The following FRMPD4 variants were observed in gnomAD, a reference collection of about 807,000 sequenced individuals.
FRMPD4 encodes the protein FERM and PDZ domain-containing protein 4.
FRMPD4 carries 22 observed loss-of-function variants against 94.1 expected under a neutral mutation model. The ratio of observed to expected loss-of-function variants is 0.23; its 90% confidence interval spans 0.17 to 0.33. The LOEUF is 0.33. Ranked by LOEUF, FRMPD4 falls within the 10% of genes least tolerant of loss-of-function variation. The pLI is 1.00. For synonymous variants in FRMPD4, 631 were observed against 548.6 expected, an observed-to-expected ratio of 1.15 and a Z score of -2.10; for missense variants, 1,111 against 1,339.9, an observed-to-expected ratio of 0.83 and a Z score of 2.67.
chrX:12,126,466 G>A (rs2055501192), intron 3 of FRMPD4, among the ~76,000 whole-genome samples: 1 of 111,577 alleles, frequency 9.0e-6, no homozygotes, highest in South Asian at 3.8e-4. Context: ...TACAAAGCCA[G>A]GCATACAGCT....
chrX:12,495,096 C>T lies in FRMPD4; in HGVS notation c.42-3584C>T, dbSNP rs750594379. 1,571 of 454,368 alleles carry T rather than the reference C, an allele frequency of 3.5e-3. 3 individuals carry two copies. The highest frequency in any genetic ancestry group is 4.1e-3 in the Non-Finnish European group (1,519 of 366,827). 37.4% of individuals were successfully genotyped at this position (454,368 alleles called of 1,213,427 possible). A position where few individuals can be genotyped will look rare whatever the true frequency, so the allele number is the denominator to read the frequency against. On this transcript the variant is annotated intron_variant, in intron 1 of 16. Coordinates refer to ENST00000675598, the MANE Select transcript of FRMPD4 (RefSeq NM_001368397.1). ...TAAAAAACTTTCTGATGTTTCCTTC[C>T]GCCTTGAGAATGGCTGAACTCATCA...
At position 12,716,367 on chromosome X, in the gene FRMPD4, A is replaced by G. The variant is rs754635721; in HGVS notation, c.1908A>G (p.Pro636=). 26 of 1,210,154 alleles carry G rather than the reference A, an allele frequency of 2.1e-5. No individual in the cohort carries two copies. The highest frequency in any genetic ancestry group is 2.8e-5 in the Non-Finnish European group (25 of 895,151). ...AQRSLLTLSG[P]ETLKKAQESP... ...GGTCCCTATTGACCCTCTCAGGACC[A>G]GAAACTCTGAAGAAAGCACAGGAAT... The change falls in exon 15 of 17, where the codon CCA becomes CCG. Residue 636 remains proline (P), a synonymous_variant. Transcript: ENST00000675598.
chrX:12,634,830 T>C (rs1318564369), intron 4 of FRMPD4, among the ~76,000 whole-genome samples: 1 of 81,444 alleles, frequency 1.2e-5, no homozygotes, highest in Admixed American at 1.3e-4. Context: ...CTCTCTTTTT[T>C]TTTTTTTTTT....
At chrX:12,452,133 G>A (rs945606267) in intron 1 of FRMPD4, among the ~76,000 whole-genome samples, 7 of 110,978 alleles carry the variant, frequency 6.3e-5, no homozygotes, top group African/African-American at 2.3e-4. Context: ...AACAAGGGCT[G>A]CTGTATCTGA....
At chrX:12,055,639 A>G (rs2054849771) in intron 3 of FRMPD4, among the ~76,000 whole-genome samples, 1 of 111,862 alleles carries the variant, frequency 8.9e-6, no homozygotes, top group Admixed American at 9.5e-5. Context: ...TAACAATGCA[A>G]GAACAGCCTA....
At chrX:12,347,708 A>G (rs1368366719) in intron 1 of FRMPD4, among the ~76,000 whole-genome samples, 2 of 111,661 alleles carry the variant, frequency 1.8e-5, no homozygotes, top group Non-Finnish European at 3.8e-5. Flanking sequence ...GTGTCACAAT[A>G]TTGAATTTTG....
At chrX:11,913,768 C>G (rs948302649) in intron 3 of FRMPD4, among the ~76,000 whole-genome samples, 1 of 111,833 alleles carries the variant, frequency 8.9e-6, no homozygotes, top group African/African-American at 3.2e-5. Flanking sequence ...TTCAGTACTT[C>G]TTGTAGAATA....
chrX:12,264,312 C>T (rs1407368571), intron 1 of FRMPD4, among the ~76,000 whole-genome samples: 1 of 111,361 alleles, frequency 9.0e-6, no homozygotes, highest in African/African-American at 3.3e-5. Flanking sequence ...GGAAGGAGAA[C>T]AGGAATTGAC....
chrX:12,096,221 G>A (rs1222106876), intron 3 of FRMPD4, among the ~76,000 whole-genome samples: 2 of 111,720 alleles, frequency 1.8e-5, no homozygotes, highest in African/African-American at 3.3e-5. Context: ...ACTGCTGCCC[G>A]TGACCATAAT....
At chrX:12,369,205 TTTA>T (rs1224072425) in intron 1 of FRMPD4, among the ~76,000 whole-genome samples, 2 of 110,638 alleles carry the variant, frequency 1.8e-5, no homozygotes, top group East Asian at 5.6e-4. Context: ...ATCTTAAACT[TTTA>T]TTTTAATTTT....
chrX:12,331,846 CTATATATAAATTATATATATTTAT>C (rs2055405300), intron 1 of FRMPD4, among the ~76,000 whole-genome samples: 1 of 40,328 alleles, frequency 2.5e-5, no homozygotes, highest in East Asian at 1.2e-3. Context: ...TATTTATATA[CTATATATAAATTATATATATTTAT>C]ATACTATATA....
chrX:12,424,909 A>G (rs940683359), intron 1 of FRMPD4, among the ~76,000 whole-genome samples: 2 of 112,758 alleles, frequency 1.8e-5, no homozygotes, highest in Non-Finnish European at 3.8e-5. Flanking sequence ...TACTTCTATA[A>G]TGCGTTTGCT....
At position 12,704,466 on chromosome X, in the gene FRMPD4, T is replaced by C; in HGVS notation, c.1178T>C (p.Leu393Ser). The change falls in exon 11 of 17, where the codon TTG becomes TCG. Residue 393 changes from leucine (L) to serine (S), a missense_variant. Physicochemically the swap from Leu to Ser is moderately radical, Grantham distance 145. Transcript: ENST00000675598. ...CACCTTGTCAAAGCAAATCAAAACT[T>C]GGTACCACCGGGTAAAAAGGTATCA... is the stretch of plus-strand genomic sequence containing the variant. Reference protein sequence around the residue: ...LSHLVKANQNLVPPGKKLSAL... With the variant: ...LSHLVKANQNSVPPGKKLSAL... 1 of 1,182,992 alleles carries C rather than the reference T, an allele frequency of 8.5e-7. No homozygotes were observed.
intron 3 of FRMPD4, among the ~76,000 whole-genome samples, chrX:12,037,931 GTTTCAGCCAGT>G (rs780129268): frequency 1.3e-4 from 15 of 111,866 alleles, no homozygotes; most frequent in Admixed American, 4.7e-4. Context: ...TCTATGATGA[GTTTCAGCCAGT>G]TTTTGTGTGT....
intron 3 of FRMPD4, among the ~76,000 whole-genome samples, chrX:11,900,902 C>T: frequency 9.0e-6 from 1 of 111,183 alleles, no homozygotes; most frequent in Non-Finnish European, 1.9e-5. Flanking sequence ...ATTCTGTTGA[C>T]CCCCATCGCA....
intron 1 of FRMPD4, among the ~76,000 whole-genome samples, chrX:12,371,325 G>A (rs755233685): frequency 8.9e-6 from 1 of 112,727 alleles, no homozygotes; most frequent in Non-Finnish European, 1.9e-5. Context: ...AGCCCAGCCA[G>A]TTTATCTGGT....
intron 2 of FRMPD4, among the ~76,000 whole-genome samples, chrX:12,602,084 T>C (rs2059089450): frequency 8.9e-6 from 1 of 111,856 alleles, no homozygotes. Flanking sequence ...CGAAAAAATA[T>C]ATATTTTCAA....
At chrX:12,091,508 AT>A (rs2055153406) in intron 3 of FRMPD4, among the ~76,000 whole-genome samples, 2 of 112,467 alleles carry the variant, frequency 1.8e-5, no homozygotes, top group Admixed American at 1.9e-4. Context: ...CCTATTGGCC[AT>A]GGTTTTCCTA....
intron 3 of FRMPD4, among the ~76,000 whole-genome samples, chrX:11,922,579 A>C (rs1046813794): frequency 8.9e-6 from 1 of 112,064 alleles, no homozygotes; most frequent in Non-Finnish European, 1.9e-5. Flanking sequence ...GAACCACAAA[A>C]GCTCCAGGGG....
Sources: gnomAD v4.1 joint callset for allele counts (sites outside exome capture counted in the v4.1 genomes callset) on GRCh38, gnomAD v4.1.1 for gene constraint, MANE v1.5 for transcripts, NCBI Gene and HGNC (gene_info 2026-07-23, HGNC 2026-07-21) for gene names.